SNRNP40: variants seen among roughly 807,000 people sequenced by gnomAD.
SNRNP40 encodes the protein small nuclear ribonucleoprotein U5 subunit 40.
In SNRNP40, 21 loss-of-function variants were observed where a neutral mutation model predicts 45.8. That is an observed-to-expected ratio of 0.46 (90% confidence interval 0.32 to 0.66). The LOEUF (loss-of-function observed/expected upper bound fraction) is 0.66. Among genes scored for constraint, SNRNP40 ranks in the 30% least tolerant of loss-of-function variants. SNRNP40 has a pLI of 0.03. For missense variants in SNRNP40, 344 were observed against 439.1 expected, an observed-to-expected ratio of 0.78 and a Z score of 1.94; for synonymous variants, 142 against 163.8, an observed-to-expected ratio of 0.87 and a Z score of 1.01.
At chr1:31,291,726 A>G (rs1175179003) in intron 3 of SNRNP40, among the ~76,000 whole-genome samples, 187 bp downstream of exon 3, 4 of 152,226 alleles carry the variant, frequency 2.6e-5, no homozygotes, top group Non-Finnish European at 5.9e-5. Context: ...GACCGATGTA[A>G]CATCTTTATA....
intron 8 of SNRNP40, chr1:31,263,312 T>C (rs1569631705): frequency 6.6e-6 from 1 of 152,650 alleles, no homozygotes; most frequent in Non-Finnish European, 1.5e-5. Context: ...CTACATATTA[T>C]CACAGAATCT....
chr1:31,269,536 T>C (rs1645922960), intron 6 of SNRNP40: 3 of 536,362 alleles, frequency 5.6e-6, no homozygotes, highest in Non-Finnish European at 8.6e-6. Flanking sequence ...TTCAAAAAGA[T>C]ATTTTGCAAG....
At chr1:31,291,054 T>C (rs1174295005) in intron 3 of SNRNP40, among the ~76,000 whole-genome samples, 3 of 151,676 alleles carry the variant, frequency 2.0e-5, no homozygotes, top group Admixed American at 1.3e-4. Flanking sequence ...TTTGGGAGGC[T>C]GAGGTGGGCG....
chr1:31,267,310 T>G (rs1645904185), intron 8 of SNRNP40, among the ~76,000 whole-genome samples: 1 of 152,162 alleles, frequency 6.6e-6, no homozygotes, highest in Non-Finnish European at 1.5e-5. Context: ...TGAATTTTAT[T>G]CTGATGGCAA....
At chr1:31,286,193 T>C (rs1022172874) in intron 4 of SNRNP40, among the ~76,000 whole-genome samples, 6 of 152,144 alleles carry the variant, frequency 3.9e-5, no homozygotes, top group Admixed American at 2.6e-4. Flanking sequence ...CACACATTTA[T>C]GTCTATTTTT....
Position 31,296,732 on chromosome 1 carries a change from C to A in SNRNP40, c.20G>T (p.Arg7Leu). 2 of 1,611,506 alleles carry A rather than the reference C, an allele frequency of 1.2e-6. No homozygotes were observed. The highest frequency in any genetic ancestry group is 1.7e-5 in the Admixed American group (1 of 59,452). The change falls in exon 1 of 10, where the codon CGT (arginine) becomes CTT (leucine). Residue 7 changes from arginine (R) to leucine (L), a missense_variant. Around this residue, in one of 2 missense-constraint regions of SNRNP40, gnomAD observed 90 missense variants for 58.9 expected, o/e 1.53. Coordinates refer to ENST00000263694, the MANE Select transcript of SNRNP40 (RefSeq NM_004814.3). Reference sequence around the variant, plus strand: ...AACCAGCGGCAACTCTGGGCCCTTACGCTTCTGCTGTTCTATCATGGCGGC... The same window carrying A: ...AACCAGCGGCAACTCTGGGCCCTTAAGCTTCTGCTGTTCTATCATGGCGGC... MIEQQK[R>L]KGPELPLVPV...
intron 5 of SNRNP40, among the ~76,000 whole-genome samples, chr1:31,280,111 C>T (rs1478129592): frequency 1.9e-4 from 6 of 32,220 alleles, no homozygotes; most frequent in Non-Finnish European, 3.7e-4. Flanking sequence ...AAGACTCTGA[C>T]TCAAAAAAAA....
intron 8 of SNRNP40, among the ~76,000 whole-genome samples, chr1:31,266,610 C>T (rs748715782): frequency 4.6e-5 from 7 of 152,154 alleles, no homozygotes; most frequent in Admixed American, 3.3e-4. Flanking sequence ...AGTTTAGATT[C>T]GTATTTCATA....
At chr1:31,292,344 A>G (rs1353224998) in intron 2 of SNRNP40, among the ~76,000 whole-genome samples, 1 of 152,248 alleles carries the variant, frequency 6.6e-6, no homozygotes, top group Non-Finnish European at 1.5e-5. Context: ...CCTGGGTGAC[A>G]GAGTGAGACT....
intron 4 of SNRNP40, among the ~76,000 whole-genome samples, chr1:31,284,332 A>G (rs1242726137): frequency 6.6e-6 from 1 of 152,196 alleles, no homozygotes; most frequent in African/African-American, 2.4e-5. Context: ...TATTTTTAGA[A>G]GAGACGGGGG....
rs1021143754 is a variant in SNRNP40, at chr1:31,267,692, C to A, written c.920+179G>T. Among the ~76,000 whole-genome samples, 6 of 152,170 alleles carry A rather than the reference C, an allele frequency of 3.9e-5. No homozygotes were observed. In the South Asian group the frequency reaches 1.2e-3, roughly 32 times the overall value. ...CTGGGATTACAGGCATGTGCCGCCA[C>A]GCCCGGCTAATTTTGTATTTTTAGT... On this transcript the variant is annotated intron_variant, in intron 8 of 9. Coordinates refer to ENST00000263694, the MANE Select transcript of SNRNP40 (RefSeq NM_004814.3).
chr1:31,267,215 G>A (rs577170539), intron 8 of SNRNP40, among the ~76,000 whole-genome samples: 2 of 152,264 alleles, frequency 1.3e-5, no homozygotes, highest in East Asian at 3.9e-4. Context: ...GATGGTGGGG[G>A]AGGTGGGTAT....
chr1:31,271,849 T>C (rs1645941270), intron 5 of SNRNP40, among the ~76,000 whole-genome samples: 2 of 152,068 alleles, frequency 1.3e-5, no homozygotes, highest in South Asian at 4.1e-4. Context: ...TTGCCCAGGC[T>C]AGTCTTGAAC....
Position 31,293,221 on chromosome 1 carries a change from A to G in SNRNP40, c.269T>C (p.Ile90Thr). 1 of 1,613,852 alleles carries G rather than the reference A, an allele frequency of 6.2e-7. No individual in the cohort carries two copies. Residue 90 changes from isoleucine (I) to threonine (T), a missense_variant and splice_region_variant, in exon 2 of 10, where the codon ATA becomes ACA. Coordinates refer to ENST00000263694, the MANE Select transcript of SNRNP40 (RefSeq NM_004814.3). Reference protein sequence around the residue: ...TLASAGFDRLILLWNVYGDCD... With the variant: ...TLASAGFDRLTLLWNVYGDCD... ...CAGATTCAAAAACTATGCCTCACATATCAGTCGGTCAAATCCTGCAGATGC... is the reference window on the plus strand; with the variant it reads ...CAGATTCAAAAACTATGCCTCACATGTCAGTCGGTCAAATCCTGCAGATGC...
chr1:31,291,824 A>C (rs764900070), intron 3 of SNRNP40, 89 bp downstream of exon 3: 18 of 906,880 alleles, frequency 2.0e-5, no homozygotes, highest in Non-Finnish European at 3.2e-5. Flanking sequence ...GTAGTTTTTG[A>C]TAGCAGGGTC....
Position 31,277,721 on chromosome 1 carries a change from G to T in SNRNP40, c.654+3653C>A, listed in dbSNP as rs1049384993. ...CTTTTTTTTAATGCTTTGAGACAGG[G>T]TCTCTCTCTGTCGTCTAGGCTGGAG... On this transcript the variant is annotated intron_variant, in intron 5 of 9. Coordinates refer to ENST00000263694, the MANE Select transcript of SNRNP40 (RefSeq NM_004814.3). 5.3e-5 allele frequency among the ~76,000 whole-genome samples: 8 copies of T among 152,136 alleles called. No homozygotes were observed. The East Asian group carries it at 1.5e-3, about 29-fold the overall frequency.
At chr1:31,278,946 C>T (rs1015871400) in intron 5 of SNRNP40, among the ~76,000 whole-genome samples, 7 of 151,850 alleles carry the variant, frequency 4.6e-5, no homozygotes, top group African/African-American at 1.5e-4. Context: ...AAGAAACTAC[C>T]AGATGGATAG....
At chr1:31,273,028 C>T (rs1041916015) in intron 5 of SNRNP40, among the ~76,000 whole-genome samples, 5 of 152,144 alleles carry the variant, frequency 3.3e-5, no homozygotes, top group African/African-American at 1.2e-4. Context: ...CACAGCAGAG[C>T]AATACATAGG....
At chr1:31,293,999 C>A (rs1438248201) in intron 1 of SNRNP40, among the ~76,000 whole-genome samples, 1 of 152,098 alleles carries the variant, frequency 6.6e-6, no homozygotes, top group East Asian at 1.9e-4. Context: ...TGCTCTGTCA[C>A]CCAGGCTGGA....
Sources: gnomAD v4.1 joint callset for allele counts (sites outside exome capture counted in the v4.1 genomes callset) on GRCh38, gnomAD v4.1.1 for gene constraint, gnomAD v4.1.1 regional missense constraint, MANE v1.5 for transcripts, NCBI Gene and HGNC (gene_info 2026-07-23, HGNC 2026-07-21) for gene names.